The following IL27RA variants were observed in gnomAD, a reference collection of about 807,000 sequenced individuals.
IL27RA encodes the protein interleukin-27 receptor subunit alpha.
IL27RA carries 61 observed loss-of-function variants against 80.8 expected under a neutral mutation model. That is an observed-to-expected ratio of 0.76 (90% CI 0.61 to 0.93). IL27RA has a LOEUF of 0.93. Among genes scored for constraint, IL27RA ranks in the 40% least tolerant of loss-of-function variants. The pLI, the probability that IL27RA is intolerant of heterozygous loss-of-function variation, is 0.00. For synonymous variants in IL27RA, 316 were observed against 332.5 expected (o/e 0.95, Z 0.54); for missense variants, 735 against 808.1 (o/e 0.91, Z 1.10).
chr19:14,050,574 C>T (rs1386706616), intron 10 of IL27RA, among the ~76,000 whole-genome samples, 184 bp from the exon 11 acceptor site: 1 of 149,964 alleles, frequency 6.7e-6, no homozygotes, highest in Admixed American at 6.7e-5. Context: ...GGTGCAATTT[C>T]AAATAGAGCG....
intron 2 of IL27RA, among the ~76,000 whole-genome samples, chr19:14,033,562 G>A (rs1274455318): frequency 6.6e-6 from 1 of 151,666 alleles, no homozygotes; most frequent in Non-Finnish European, 1.5e-5. Flanking sequence ...CTACTCGGGA[G>A]GCTGAGGTGG....
At chr19:14,032,348 C>T in intron 1 of IL27RA, 38 bp from the exon 2 acceptor site, 1 of 1,471,990 alleles carries the variant, frequency 6.8e-7, no homozygotes, top group Non-Finnish European at 9.4e-7. Context: ...GGGGGGGATT[C>T]GACCCCCTTT....
intron 10 of IL27RA, among the ~76,000 whole-genome samples, chr19:14,050,077 C>T (rs569163667): frequency 2.6e-5 from 4 of 152,022 alleles, no homozygotes; most frequent in African/African-American, 9.6e-5. Flanking sequence ...AGTCCAGCTA[C>T]TCAGAAGGTG....
intron 8 of IL27RA, among the ~76,000 whole-genome samples, chr19:14,047,018 A>C (rs1215555553): frequency 1.3e-5 from 2 of 151,606 alleles, no homozygotes; most frequent in Non-Finnish European, 2.9e-5. Context: ...AAATAAATAA[A>C]TAAATAGCGT....
chr19:14,038,531 T>C (rs1975938048), intron 2 of IL27RA, among the ~76,000 whole-genome samples: 1 of 140,144 alleles, frequency 7.1e-6, no homozygotes, highest in Non-Finnish European at 1.5e-5. Context: ...TGATCTATGA[T>C]CGCACTGCTC....
At chr19:14,048,893 C>A in intron 8 of IL27RA, 88 bp from the exon 9 acceptor site, 1 of 1,113,006 alleles carries the variant, frequency 9.0e-7, no homozygotes, top group Non-Finnish European at 1.4e-6. Flanking sequence ...CTCAGGGTGT[C>A]CTTCTGGGGA....
At chr19:14,040,038 A>C in intron 4 of IL27RA, 128 bp downstream of exon 4, 1 of 883,292 alleles carries the variant, frequency 1.1e-6, no homozygotes, top group Non-Finnish European at 1.7e-6. Flanking sequence ...CCCACTCAAA[A>C]TGCCTGCATG....
intron 1 of IL27RA, among the ~76,000 whole-genome samples, 192 bp from the exon 2 acceptor site, chr19:14,032,194 A>G (rs988949004): frequency 1.3e-5 from 2 of 152,142 alleles, no homozygotes; most frequent in Non-Finnish European, 2.9e-5. Context: ...GGTGGTTAAC[A>G]GGATGTGGCG....
Position 14,049,060 on chromosome 19 carries a change from C to T in IL27RA, c.1221C>T (p.Val407=). Residue 407 remains valine, a synonymous_variant, in exon 9 of 14, where the codon GTC becomes GTT. Coordinates refer to ENST00000263379, the MANE Select transcript of IL27RA (RefSeq NM_004843.4). Reference sequence around the variant, plus strand: ...CAGGCTTGGCCTCTGCATCCTCCGTCTGGGGGTTCAGGGAGGAATTAGGTA... The same window carrying T: ...CAGGCTTGGCCTCTGCATCCTCCGTTTGGGGGTTCAGGGAGGAATTAGGTA... ...SASGLASASS[V]WGFREELAPL... The T allele has an allele frequency of 1.2e-6, 2 of 1,613,744 alleles. No homozygotes were observed. Among genetic ancestry groups the T allele is most frequent in the East Asian group, 4.5e-5 (2 of 44,884 alleles).
Position 14,050,015 on chromosome 19 carries a change from C to A in IL27RA, c.1402+701C>A, listed in dbSNP as rs139965986. On this transcript the variant is annotated intron_variant, in intron 10 of 13. Transcript: ENST00000263379. The stretch of plus-strand genomic sequence containing the variant: ...ACCAGCCTGGCCAACATGGTGAAAC[C>A]TCATCTCTACTAAAAATACAAAAAT... 7.8e-3 allele frequency among the ~76,000 whole-genome samples: 1,182 copies of A among 151,612 alleles called. 4 individuals are homozygous for A. Among genetic ancestry groups the A allele is most frequent in the Non-Finnish European group, 0.011 (754 of 67,868 alleles).
chr19:14,036,538 G>C (rs927975528), intron 2 of IL27RA, among the ~76,000 whole-genome samples: 2 of 149,858 alleles, frequency 1.3e-5, no homozygotes, highest in Non-Finnish European at 3.0e-5. Context: ...ACCCAGGCTG[G>C]AGTGCAGTGG....
intron 11 of IL27RA, 108 bp downstream of exon 11, chr19:14,050,991 G>A: frequency 4.1e-6 from 5 of 1,216,618 alleles, no homozygotes; most frequent in Admixed American, 2.3e-5. Context: ...GCTCACCCCT[G>A]TAATCCTAAC....
rs371858042 is a variant in IL27RA, at chr19:14,052,186, G to T, written c.1807G>T (p.Ala603Ser). Residue 603 changes from alanine (A) to serine (S), a missense_variant, in exon 14 of 14, where the codon GCC (alanine) becomes TCC (serine). Ala to Ser is a moderately conservative substitution (Grantham distance 99). Coordinates refer to ENST00000263379, the MANE Select transcript of IL27RA (RefSeq NM_004843.4). ...GCCGGTTATGGAGTCCTCCCAGCCC[G>T]CCCAGGCCACCGCCCCGCTTGACTC... The part of the protein sequence containing the change: ...PPPVMESSQP[A>S]QATAPLDSGY... 18 of 1,611,682 alleles carry T rather than the reference G, an allele frequency of 1.1e-5. No individual in the cohort carries two copies. The highest frequency in any genetic ancestry group is 1.5e-5 in the Non-Finnish European group (18 of 1,179,032).
intron 5 of IL27RA, 28 bp downstream of exon 5, chr19:14,042,640 C>T (rs913360433): frequency 1.2e-6 from 2 of 1,614,028 alleles, no homozygotes; most frequent in Non-Finnish European, 1.7e-6. Flanking sequence ...TGCCCTCAAT[C>T]CACGCCCCTC....
Position 14,046,524 on chromosome 19 carries a change from G to A in IL27RA, c.1047G>A (p.Leu349=), listed in dbSNP as rs759247465. 29 of 1,614,096 alleles carry A rather than the reference G, an allele frequency of 1.8e-5. No individual in the cohort carries two copies. The highest frequency in any genetic ancestry group is 2.2e-5 in the Non-Finnish European group (26 of 1,180,008). The change falls in exon 8 of 14, where the codon CTG becomes CTA. Residue 349 remains leucine (L), a synonymous_variant. Transcript: ENST00000263379. ...GGCAACCGGGGCCTGGGGAACCACTGGAGCATGTAGTGGACTGGGCTCGAG... is the reference window on the plus strand; with the variant it reads ...GGCAACCGGGGCCTGGGGAACCACTAGAGCATGTAGTGGACTGGGCTCGAG... The part of the protein sequence containing the change: ...VTWQPGPGEP[L]EHVVDWARDG...
chr19:14,035,855 A>C (rs974447162), intron 2 of IL27RA, among the ~76,000 whole-genome samples: 42 of 152,058 alleles, frequency 2.8e-4, no homozygotes, highest in Admixed American at 1.3e-4. Flanking sequence ...ATCATAGCTC[A>C]CTGCAACCTC....
Position 14,039,599 on chromosome 19 carries a change from C to T in IL27RA, c.310C>T (p.Leu104Phe). ...ACAGCTCACCATGTCTGACAAACTCCTTGTCTGGGGCACTAAGGCAGGCCA... is the reference window on the plus strand; with the variant it reads ...ACAGCTCACCATGTCTGACAAACTCTTTGTCTGGGGCACTAAGGCAGGCCA... ...REQLTMSDKL[L>F]VWGTKAGQPL... The change falls in exon 3 of 14, where the codon CTT (leucine) becomes TTT (phenylalanine). Residue 104 changes from leucine to phenylalanine, a missense_variant. Coordinates refer to ENST00000263379, the MANE Select transcript of IL27RA (RefSeq NM_004843.4). The T allele has an allele frequency of 6.2e-7, 1 of 1,614,200 alleles. No homozygotes were observed. The highest frequency in any genetic ancestry group is 8.5e-7 in the Non-Finnish European group (1 of 1,180,032).
At chr19:14,048,952 T>C in intron 8 of IL27RA, 29 bp from the exon 9 acceptor site, 3 of 1,595,614 alleles carry the variant, frequency 1.9e-6, no homozygotes, top group Non-Finnish European at 2.6e-6. Context: ...GAGCCAACTC[T>C]AACTGGTCTT....
intron 2 of IL27RA, among the ~76,000 whole-genome samples, chr19:14,038,310 T>A (rs1444265569): frequency 6.6e-6 from 1 of 152,072 alleles, no homozygotes; most frequent in Non-Finnish European, 1.5e-5. Flanking sequence ...CCCTGGCTAA[T>A]TTTTAAAACA....
Sources: allele counts gnomAD v4.1 joint callset (sites outside exome capture counted in the v4.1 genomes callset), GRCh38; gene constraint gnomAD v4.1.1; transcripts MANE v1.5; gene names NCBI Gene and HGNC (gene_info 2026-07-23, HGNC 2026-07-21).